The following SGIP1 variants were observed in gnomAD, a reference collection of about 807,000 sequenced individuals.
SGIP1 encodes SH3GL interacting endocytic adaptor 1.
Under a neutral mutation model 107.5 loss-of-function variants are expected in SGIP1, and 38 were observed. The observed-to-expected ratio is 0.35, with a 90% confidence interval of 0.27 to 0.46. The LOEUF (loss-of-function observed/expected upper bound fraction) is 0.46, where lower values mean the gene tolerates loss of function less well. SGIP1 is among the 20% of genes least tolerant of loss of function. The probability of loss-of-function intolerance (pLI) is 1.00; values close to 1 mark genes in which losing one functional copy is unlikely to be tolerated. For missense variants in SGIP1, 929 were observed against 1,019.5 expected (o/e 0.91, Z 1.21); for synonymous variants, 365 against 366.1 (o/e 1.00, Z 0.03).
intron 1 of SGIP1, among the ~76,000 whole-genome samples, chr1:66,545,071 A>G (rs1353523850): frequency 6.6e-6 from 1 of 151,904 alleles, no homozygotes; most frequent in Non-Finnish European, 1.5e-5. Context: ...TCTCTCTTTC[A>G]TCCCCTGCTA....
chr1:66,644,086 C>T (rs2077231160), intron 7 of SGIP1: 1 of 154,376 alleles, frequency 6.5e-6, no homozygotes, highest in African/African-American at 2.4e-5. Context: ...TTTTTAAAAA[C>T]ACATCTTAGT....
At chr1:66,681,719 C>G (rs949412268) in intron 14 of SGIP1, 150 bp from the exon 15 acceptor site, 1 of 736,342 alleles carries the variant, frequency 1.4e-6, no homozygotes, top group African/African-American at 1.8e-5. Context: ...ACCTTAGGCT[C>G]CTAATCCAAT....
chr1:66,625,801 T>C (rs1392691095), intron 1 of SGIP1, 46 bp from the exon 2 acceptor site: 2 of 1,546,558 alleles, frequency 1.3e-6, no homozygotes, highest in Non-Finnish European at 1.8e-6. Context: ...TATGTTCACT[T>C]GAATGTTGCT....
chr1:66,547,827 G>A (rs992688894), intron 1 of SGIP1, among the ~76,000 whole-genome samples: 1 of 152,066 alleles, frequency 6.6e-6, no homozygotes, highest in African/African-American at 2.4e-5. Context: ...AGGGGTGGCG[G>A]TGAAGGCTAC....
intron 1 of SGIP1, among the ~76,000 whole-genome samples, chr1:66,583,596 A>G (rs2062129527): frequency 6.6e-6 from 1 of 152,140 alleles, no homozygotes; most frequent in Admixed American, 6.5e-5. Context: ...TCATTAGGTA[A>G]ACTTAAGAGG....
intron 7 of SGIP1, among the ~76,000 whole-genome samples, chr1:66,646,894 G>A (rs111841122): frequency 6.6e-6 from 1 of 152,112 alleles, no homozygotes; most frequent in African/African-American, 2.4e-5. Flanking sequence ...AAGGCAGAAG[G>A]CTAATGCAGG....
intron 1 of SGIP1, among the ~76,000 whole-genome samples, chr1:66,605,068 TCACTAACATTA>T (rs2066570086): frequency 6.6e-6 from 1 of 152,166 alleles, no homozygotes. Context: ...CATAAATGTT[TCACTAACATTA>T]CATTTGCTTC....
chr1:66,660,248 G>GAA (rs2081189225), intron 7 of SGIP1: 3 of 419,006 alleles, frequency 7.2e-6, no homozygotes, highest in South Asian at 6.7e-5. Flanking sequence ...AGGGAGGGAG[G>GAA]GAGGAAGGAA....
At chr1:66,638,882 A>C (rs1451073579) in intron 4 of SGIP1, among the ~76,000 whole-genome samples, 2 of 152,192 alleles carry the variant, frequency 1.3e-5, no homozygotes, top group Non-Finnish European at 2.9e-5. Context: ...GAGATCTGCT[A>C]TGCGCAGTGA....
At chr1:66,679,810 A>C (rs771532134) in intron 14 of SGIP1, 58 bp downstream of exon 14, 476 of 1,442,730 alleles carry the variant, frequency 3.3e-4, no homozygotes, top group Non-Finnish European at 4.3e-4. Flanking sequence ...GTGGCCCCGG[A>C]TGAACATGCC....
At chr1:66,660,051 GAAA>G (rs1293807727) in intron 7 of SGIP1, 3 of 141,852 alleles carry the variant, frequency 2.1e-5, no homozygotes, top group Non-Finnish European at 2.4e-5. Context: ...AAGAAAGAAA[GAAA>G]AGAAAGAAAG....
rs1398016527 is a variant in SGIP1, at chr1:66,739,287, G to A, written c.2032-48G>A. 3 of 1,574,860 alleles carry A rather than the reference G, an allele frequency of 1.9e-6. No individual in the cohort carries two copies. The African/African-American group carries it at 4.6e-5, about 24-fold the overall frequency. ...ATATGACATTTTGTTTGATGTCTAAGAACATCCCTGTCATATGTTGTTATT... is the reference window on the plus strand; with the variant it reads ...ATATGACATTTTGTTTGATGTCTAAAAACATCCCTGTCATATGTTGTTATT... On this transcript the variant is annotated intron_variant, in intron 21 of 24. Coordinates refer to ENST00000371037, the MANE Select transcript of SGIP1 (RefSeq NM_032291.4).
intron 1 of SGIP1, among the ~76,000 whole-genome samples, chr1:66,559,757 G>A (rs2148423541): frequency 6.6e-6 from 1 of 152,140 alleles, no homozygotes; most frequent in South Asian, 2.1e-4. Flanking sequence ...GAAGCCCCAA[G>A]CAAACATCTC....
chr1:66,627,646 C>G (rs1486047454), intron 2 of SGIP1, among the ~76,000 whole-genome samples: 1 of 152,074 alleles, frequency 6.6e-6, no homozygotes, highest in Non-Finnish European at 1.5e-5. Context: ...CTATTTATTT[C>G]AAGAATATTA....
intron 22 of SGIP1, 59 bp downstream of exon 22, chr1:66,739,596 T>C (rs113690604): frequency 1.3e-6 from 2 of 1,546,828 alleles, no homozygotes; most frequent in Admixed American, 3.4e-5. Flanking sequence ...GGTCACAGAC[T>C]CCTTAGCACT....
At position 66,675,537 on chromosome 1, in the gene SGIP1, C is replaced by CTTTTT. The variant is rs141370211; in HGVS notation, c.647-1464_647-1463insTTTTT. ...TTTCGTTGTTTTTCTTTTTCTTTTTCTTTCTTTTTTTTTTTTTTTTTTGAC... is the reference window on the plus strand; with the variant it reads ...TTTCGTTGTTTTTCTTTTTCTTTTTCTTTTTTTTCTTTTTTTTTTTTTTTTTTGAC... On this transcript the variant is annotated intron_variant, in intron 12 of 24. Transcript: ENST00000371037. 3.2e-3 allele frequency among the ~76,000 whole-genome samples: 352 copies of CTTTTT among 109,188 alleles called. 46 individuals are homozygous for CTTTTT. The highest frequency in any genetic ancestry group is 6.9e-3 in the East Asian group (23 of 3,342). 71.6% of individuals were successfully genotyped at this position (109,188 alleles called of 152,430 possible). A position where few individuals can be genotyped will look rare whatever the true frequency, so the allele number is the denominator to read the frequency against.
chr1:66,548,725 T>G (rs939832400), intron 1 of SGIP1, among the ~76,000 whole-genome samples: 9 of 152,152 alleles, frequency 5.9e-5, no homozygotes, highest in Admixed American at 5.2e-4. Flanking sequence ...GGTTGACCTC[T>G]CCATGTTTCA....
intron 1 of SGIP1, among the ~76,000 whole-genome samples, chr1:66,552,955 C>T (rs1331696256): frequency 1.3e-5 from 2 of 152,146 alleles, no homozygotes; most frequent in Non-Finnish European, 2.9e-5. Flanking sequence ...TTCAAGCTCC[C>T]CTTGGCCACA....
intron 7 of SGIP1, among the ~76,000 whole-genome samples, chr1:66,647,255 G>A (rs2077818607): frequency 6.6e-6 from 1 of 152,154 alleles, no homozygotes; most frequent in South Asian, 2.1e-4. Flanking sequence ...ACCACTGCAA[G>A]TACTTCCATG....
Sources: gnomAD v4.1 joint callset for allele counts (sites outside exome capture counted in the v4.1 genomes callset) on GRCh38, gnomAD v4.1.1 for gene constraint, MANE v1.5 for transcripts, NCBI Gene and HGNC (gene_info 2026-07-23, HGNC 2026-07-21) for gene names.